CDC14B: variants seen among roughly 807,000 people sequenced by gnomAD.
CDC14B encodes dual specificity protein phosphatase CDC14B.
A neutral mutation model predicts 64.2 loss-of-function variants in CDC14B; 22 were observed. The observed-to-expected ratio is 0.34, with a 90% CI of 0.24 to 0.49. The LOEUF (loss-of-function observed/expected upper bound fraction) is 0.49. Ranked by LOEUF, CDC14B falls within the 20% of genes least tolerant of loss-of-function variation. CDC14B has a pLI of 0.99. For missense variants in CDC14B, 498 were observed against 629.9 expected (o/e 0.79, Z 2.24); for synonymous variants, 191 against 215.8 (o/e 0.89, Z 1.01).
At chr9:96,510,533 G>T (rs528471650) in intron 12 of CDC14B, among the ~76,000 whole-genome samples, 3 of 146,448 alleles carry the variant, frequency 2.0e-5, no homozygotes, top group Admixed American at 6.8e-5. Flanking sequence ...TGGTCCTTTG[G>T]TTTTTTTTTT....
chr9:96,539,006 T>G, intron 7 of CDC14B, 72 bp downstream of exon 7: 1 of 946,278 alleles, frequency 1.1e-6, no homozygotes, highest in Non-Finnish European at 1.7e-6. Context: ...TAAGTTTTAT[T>G]TGTCAATTAT....
chr9:96,548,368 A>T (rs1018078609), intron 5 of CDC14B, among the ~76,000 whole-genome samples: 3 of 152,236 alleles, frequency 2.0e-5, no homozygotes, highest in Admixed American at 6.5e-5. Context: ...CACACTGTTC[A>T]TAACAATGAT....
intron 4 of CDC14B, among the ~76,000 whole-genome samples, chr9:96,561,730 G>C (rs1843233696): frequency 1.3e-5 from 2 of 150,920 alleles, no homozygotes; most frequent in Admixed American, 1.3e-4. Context: ...CTCATGATCT[G>C]CCCGCCTCAG....
At chr9:96,494,828 C>T (rs140962643) in intron 13 of CDC14B, among the ~76,000 whole-genome samples, 1 of 90,232 alleles carries the variant, frequency 1.1e-5, no homozygotes, top group South Asian at 3.4e-4. Flanking sequence ...TCCCGTCTCC[C>T]CTCCCCTCCC....
chr9:96,497,716 C>T (rs1360266866), downstream of CDC14B, among the ~76,000 whole-genome samples: 3 of 152,084 alleles, frequency 2.0e-5, no homozygotes, highest in East Asian at 1.9e-4. Context: ...TGGCTCTTAG[C>T]GTGTGCCAGA....
chr9:96,507,562 C>A (rs1033843459), intron 13 of CDC14B, among the ~76,000 whole-genome samples: 3 of 151,764 alleles, frequency 2.0e-5, no homozygotes, highest in African/African-American at 4.8e-5. Flanking sequence ...ATTACAGGCA[C>A]CCGCCACTGC....
chr9:96,606,332 CA>C (rs772460843), intron 1 of CDC14B, among the ~76,000 whole-genome samples: 1,708 of 20,944 alleles, frequency 0.082, 38 homozygotes, highest in African/African-American at 0.13. Flanking sequence ...GACTCCATCT[CA>C]AAAAAAAAAA....
chr9:96,504,667 C>G (rs192023523), intron 13 of CDC14B, among the ~76,000 whole-genome samples: 4 of 152,310 alleles, frequency 2.6e-5, no homozygotes, highest in Admixed American at 2.6e-4. Flanking sequence ...CCTTCTGGGA[C>G]TCCTCTCCTG....
At chr9:96,561,030 G>A (rs1223451878) in intron 4 of CDC14B, among the ~76,000 whole-genome samples, 4 of 151,888 alleles carry the variant, frequency 2.6e-5, no homozygotes, top group Admixed American at 2.6e-4. Context: ...TCCAACTCCT[G>A]GATTCAAGGG....
Position 96,537,056 on chromosome 9 carries a change from G to A in CDC14B, c.627+2022C>T, listed in dbSNP as rs1004022871. On this transcript the variant is annotated intron_variant, in intron 7 of 13. Coordinates refer to ENST00000375241, the MANE Select transcript of CDC14B (RefSeq NM_033331.4). ...TGTAATCCCAGCACTTTGGGAGACT[G>A]AGGCAGGTAGATCCCTTGAGTGCAG... 2.0e-5 allele frequency among the ~76,000 whole-genome samples: 3 copies of A among 152,132 alleles called. No homozygotes were observed. In the East Asian group the frequency reaches 5.8e-4, roughly 29 times the overall value.
chr9:96,512,631 ATTAT>A (rs1835071913), intron 12 of CDC14B, among the ~76,000 whole-genome samples: 2 of 152,212 alleles, frequency 1.3e-5, no homozygotes, highest in Admixed American at 6.5e-5. Flanking sequence ...ATCCCTAAAA[ATTAT>A]TTGTTTATAT....
intron 4 of CDC14B, among the ~76,000 whole-genome samples, chr9:96,559,778 A>G (rs1006290516): frequency 2.0e-5 from 3 of 152,116 alleles, no homozygotes; most frequent in African/African-American, 4.8e-5. Flanking sequence ...TGAAGATCCA[A>G]ATTTGCTTAC....
At chr9:96,528,029 T>G (rs1327973917) in intron 9 of CDC14B, among the ~76,000 whole-genome samples, 1 of 152,236 alleles carries the variant, frequency 6.6e-6, no homozygotes, top group Non-Finnish European at 1.5e-5. Flanking sequence ...TCATACAATA[T>G]CTGTCCTTTT....
chr9:96,567,588 T>C (rs987412682), intron 1 of CDC14B, among the ~76,000 whole-genome samples: 1 of 152,258 alleles, frequency 6.6e-6, no homozygotes. Flanking sequence ...CGGTTTGGGA[T>C]GGTTTAAAAA....
intron 9 of CDC14B, among the ~76,000 whole-genome samples, chr9:96,525,049 TG>T (rs1837350109): frequency 1.3e-5 from 2 of 152,140 alleles, no homozygotes; most frequent in South Asian, 4.1e-4. Context: ...TACTGTAAAA[TG>T]CAAAAGGAAA....
At chr9:96,505,589 A>C (rs1196959912) in intron 13 of CDC14B, among the ~76,000 whole-genome samples, 2 of 152,344 alleles carry the variant, frequency 1.3e-5, no homozygotes, top group Non-Finnish European at 2.9e-5. Flanking sequence ...CACTGAAAAC[A>C]GGCCGATTCA....
At chr9:96,567,080 C>A in intron 1 of CDC14B, 1 of 896,720 alleles carries the variant, frequency 1.1e-6, no homozygotes, top group South Asian at 1.9e-5. Context: ...TTCTTTCCCC[C>A]CGCCTGGCCG....
intron 9 of CDC14B, among the ~76,000 whole-genome samples, chr9:96,533,339 A>G (rs2131710802): frequency 6.6e-6 from 1 of 152,370 alleles, no homozygotes; most frequent in Middle Eastern, 3.4e-3. Context: ...TTTTTCAATA[A>G]AAACTGAAAT....
At chr9:96,505,511 C>T (rs1834002582) in intron 13 of CDC14B, among the ~76,000 whole-genome samples, 2 of 152,232 alleles carry the variant, frequency 1.3e-5, no homozygotes, top group African/African-American at 4.8e-5. Context: ...GCTGCAGGCT[C>T]TCACTCGGGG....
Sources: gnomAD v4.1 joint callset for allele counts (sites outside exome capture counted in the v4.1 genomes callset) on GRCh38, gnomAD v4.1.1 for gene constraint, MANE v1.5 for transcripts, NCBI Gene and HGNC (gene_info 2026-07-23, HGNC 2026-07-21) for gene names.